The following NTRK3 variants were observed in gnomAD, a reference collection of about 807,000 sequenced individuals.
NTRK3 encodes neurotrophic receptor tyrosine kinase 3.
In NTRK3, 24 loss-of-function variants were observed where a neutral mutation model predicts 91.7. That is an observed-to-expected ratio of 0.26 (90% CI 0.19 to 0.37). NTRK3 has a LOEUF of 0.37. Ranked by LOEUF, NTRK3 falls within the 10% of genes least tolerant of loss-of-function variation. NTRK3 has a pLI of 1.00. For missense variants in NTRK3, 880 were observed against 1,068.9 expected, an observed-to-expected ratio of 0.82 and a Z score of 2.46; for synonymous variants, 483 against 404.0, an observed-to-expected ratio of 1.20 and a Z score of -2.34.
At chr15:87,912,059 T>A (rs1407867746) in intron 17 of NTRK3, among the ~76,000 whole-genome samples, 8 of 152,236 alleles carry the variant, frequency 5.3e-5, no homozygotes, top group Non-Finnish European at 8.8e-5. Context: ...TTCCTCGCCC[T>A]TCAGTTTCAC....
At chr15:88,238,901 C>T (rs866603778) in intron 3 of NTRK3, among the ~76,000 whole-genome samples, 1 of 152,356 alleles carries the variant, frequency 6.6e-6, no homozygotes, top group Middle Eastern at 3.4e-3. Context: ...GGAATCCTCA[C>T]TGTTATTTAC....
At chr15:88,199,416 G>T (rs923277933) in intron 3 of NTRK3, among the ~76,000 whole-genome samples, 1 of 152,152 alleles carries the variant, frequency 6.6e-6, no homozygotes, top group Non-Finnish European at 1.5e-5. Context: ...GCCAAATGGG[G>T]CTCCTGGCTC....
chr15:88,147,291 T>G, intron 6 of NTRK3, 44 bp downstream of exon 6: 1 of 1,562,810 alleles, frequency 6.4e-7, no homozygotes, highest in East Asian at 2.2e-5. Context: ...ATCCACCCAT[T>G]ACCAGCACTT....
chr15:87,971,841 T>C (rs1241100419), intron 14 of NTRK3, among the ~76,000 whole-genome samples: 1 of 152,190 alleles, frequency 6.6e-6, no homozygotes, highest in Non-Finnish European at 1.5e-5. Flanking sequence ...ACCCTCTCTT[T>C]TTAAGAGAAG....
chr15:87,890,806 A>G (rs117092867), intron 17 of NTRK3, among the ~76,000 whole-genome samples: 3,263 of 152,254 alleles, frequency 0.021, 54 homozygotes, highest in Middle Eastern at 0.058. Flanking sequence ...TGAATCAGCC[A>G]TATCTCCAGG....
chr15:87,935,241 G>T (rs1008656405), intron 15 of NTRK3, among the ~76,000 whole-genome samples: 7 of 152,192 alleles, frequency 4.6e-5, no homozygotes, highest in Non-Finnish European at 1.0e-4. Context: ...TGGGATGTTG[G>T]CTGCCAACAG....
chr15:87,887,073 C>G (rs1397665629), intron 17 of NTRK3, among the ~76,000 whole-genome samples: 1 of 151,964 alleles, frequency 6.6e-6, no homozygotes, highest in African/African-American at 2.4e-5. Flanking sequence ...TAATTTTAAA[C>G]ACAACCCAGA....
chr15:88,033,806 T>C (rs1161789409), intron 13 of NTRK3, among the ~76,000 whole-genome samples: 1 of 152,210 alleles, frequency 6.6e-6, no homozygotes, highest in Non-Finnish European at 1.5e-5. Flanking sequence ...TCCAAATTAG[T>C]TCAAAATAAG....
exon 19 of NTRK3, chr15:87,873,437 G>A (rs2064875146): frequency 4.3e-6 from 1 of 231,024 alleles, no homozygotes; most frequent in Non-Finnish European, 8.6e-6. Flanking sequence ...CTACTCCAAG[G>A]TGGACACCCA....
At chr15:88,191,643 C>T (rs1009240535) in intron 3 of NTRK3, among the ~76,000 whole-genome samples, 15 of 152,238 alleles carry the variant, frequency 9.9e-5, no homozygotes, top group East Asian at 1.9e-4. Flanking sequence ...CAATGTGCCG[C>T]GCTTTTGACT....
At chr15:87,880,539 T>C (rs780573506) in intron 17 of NTRK3, 111 bp from the exon 19 acceptor site, 5 of 1,246,020 alleles carry the variant, frequency 4.0e-6, no homozygotes, top group Non-Finnish European at 5.7e-6. Context: ...TATTCTAAGA[T>C]AGTCACAGCT....
intron 5 of NTRK3, among the ~76,000 whole-genome samples, chr15:88,175,000 A>G (rs1446545693): frequency 6.6e-6 from 1 of 152,200 alleles, no homozygotes; most frequent in Non-Finnish European, 1.5e-5. Context: ...CTGTAATAAC[A>G]TCTCTCTCAT....
chr15:88,217,884 G>A (rs1005479217), intron 3 of NTRK3, among the ~76,000 whole-genome samples: 4 of 151,440 alleles, frequency 2.6e-5, no homozygotes, highest in Non-Finnish European at 5.9e-5. Context: ...TCAGCCTCCC[G>A]AGTAGCTGGG....
chr15:88,133,377 C>T (rs1469827250), intron 10 of NTRK3, among the ~76,000 whole-genome samples: 1 of 152,156 alleles, frequency 6.6e-6, no homozygotes, highest in African/African-American at 2.4e-5. Flanking sequence ...CTACCCCACA[C>T]CTCTCAGGAT....
chr15:87,972,152 A>T (rs2073312531), intron 14 of NTRK3, among the ~76,000 whole-genome samples: 1 of 152,142 alleles, frequency 6.6e-6, no homozygotes, highest in African/African-American at 2.4e-5. Context: ...TTTTTCAGGG[A>T]AATAGGCCAC....
chr15:88,047,691 T>C (rs1436882272), intron 13 of NTRK3, among the ~76,000 whole-genome samples: 1 of 152,168 alleles, frequency 6.6e-6, no homozygotes, highest in African/African-American at 2.4e-5. Context: ...TATCTCCTCA[T>C]TCAGTTCAGA....
chr15:87,925,441 G>GCACACACACACACACA (rs61582719), intron 17 of NTRK3: 1,999 of 180,954 alleles, frequency 0.011, 19 homozygotes, highest in Middle Eastern at 0.04. Flanking sequence ...ACACGTGTAT[G>GCACACACACACACACA]CACACACACA....
chr15:87,911,943 C>T (rs1200596463), intron 17 of NTRK3, among the ~76,000 whole-genome samples: 2 of 152,316 alleles, frequency 1.3e-5, no homozygotes, highest in African/African-American at 4.8e-5. Context: ...CTTGAGAATA[C>T]ATTTTCACAA....
intron 13 of NTRK3, among the ~76,000 whole-genome samples, chr15:88,122,043 G>A (rs1387737026): frequency 5.3e-5 from 8 of 152,158 alleles, no homozygotes; most frequent in African/African-American, 1.9e-4. Context: ...GCACCCATTG[G>A]AATTCCTACA....
Sources: allele counts gnomAD v4.1 joint callset (sites outside exome capture counted in the v4.1 genomes callset), GRCh38; gene constraint gnomAD v4.1.1; transcripts MANE v1.5; gene names NCBI Gene and HGNC (gene_info 2026-07-23, HGNC 2026-07-21).